The following MRPL28 variants were observed in gnomAD, a reference collection of about 807,000 sequenced individuals.
The protein encoded by MRPL28 is mitochondrial ribosomal protein L28, also known as large ribosomal subunit protein bL28m.
In MRPL28, 25 loss-of-function variants were observed where a neutral mutation model predicts 26.2. The ratio of observed to expected loss-of-function variants is 0.95; its 90% CI spans 0.69 to 1.33. The LOEUF is 1.33. Ranked by LOEUF, MRPL28 falls within the 40% of genes most tolerant of loss-of-function variation. The pLI, the probability that MRPL28 is intolerant of heterozygous loss-of-function variation, is 0.00. For missense variants in MRPL28, 432 were observed against 327.2 expected (o/e 1.32, Z -2.47); for synonymous variants, 227 against 140.1 (o/e 1.62, Z -4.38).
rs189542082 is a variant in MRPL28, at chr16:367,666, G to A, written c.*9C>T. On this transcript the variant is annotated 3_prime_UTR_variant, in exon 6 of 6. Transcript: ENST00000199706. ...GGGCCTGTTGGTCAGGCATGGAGGA[G>A]CTGTGTGGTCACTGGCCACTGGCTC... The A allele has an allele frequency of 3.6e-4, 572 of 1,610,674 alleles. 1 individual carries two copies. The African/African-American group carries it at 7.1e-3, about 20-fold the overall frequency.
chr16:367,717 CAG>C lies in MRPL28; in HGVS notation c.727_728del (p.Leu243ValfsTer22). On this transcript the variant is annotated frameshift_variant, in exon 6 of 6. Coordinates refer to ENST00000199706, the MANE Select transcript of MRPL28 (RefSeq NM_006428.5). LOFTEE classifies it high-confidence loss of function. Reference sequence around the variant, plus strand: ...TCTTCTGCACCACCGCCGGCTCTGACAGTGCCTGCTGCTGCAGCTGCTGGATC... The same window carrying C: ...TCTTCTGCACCACCGCCGGCTCTGACTGCCTGCTGCTGCAGCTGCTGGATC... ...ELIQQLQQQA[L>X]SEPAVVQKRA... The C allele has an allele frequency of 6.2e-7, 1 of 1,613,892 alleles. No homozygotes were observed. The highest frequency in any genetic ancestry group is 8.5e-7 in the Non-Finnish European group (1 of 1,180,026).
intron 3 of MRPL28, 51 bp downstream of exon 3, chr16:369,017 G>T: frequency 6.3e-7 from 1 of 1,588,790 alleles, no homozygotes; most frequent in Non-Finnish European, 8.6e-7. Context: ...CCGTGAGTCT[G>T]ACTGGCCCAT....
At chr16:369,854 G>C in intron 2 of MRPL28, 77 bp downstream of exon 2, 1 of 1,532,078 alleles carries the variant, frequency 6.5e-7, no homozygotes, top group Non-Finnish European at 8.8e-7. Flanking sequence ...GGTCTCTCCA[G>C]GTACCCCGGG....
chr16:369,756 C>T, intron 2 of MRPL28, 175 bp downstream of exon 2: 2 of 882,268 alleles, frequency 2.3e-6, no homozygotes, highest in Non-Finnish European at 3.5e-6. Context: ...TTTATCAGTC[C>T]TGTTTGCCAG....
chr16:369,011 G>A, intron 3 of MRPL28, 57 bp downstream of exon 3: 1 of 1,579,630 alleles, frequency 6.3e-7, no homozygotes, highest in African/African-American at 1.3e-5. Context: ...GGGCTCCCGT[G>A]AGTCTGACTG....
At chr16:368,890 G>C in intron 3 of MRPL28, 178 bp downstream of exon 3, 2 of 1,019,648 alleles carry the variant, frequency 2.0e-6, no homozygotes, top group East Asian at 5.3e-5. Flanking sequence ...AGCCTCTCCT[G>C]AAGGCAGGAA....
Position 367,583 on chromosome 16 carries a change from G to A in MRPL28, c.*92C>T. On this transcript the variant is annotated 3_prime_UTR_variant, in exon 6 of 6. Transcript: ENST00000199706. ...AGGATCCACCCACTGCCCACCGGTG[G>A]CCCTCACAGCTCCCCGGGATCTGTG... 8.8e-7 allele frequency: 1 copy of A among 1,133,604 alleles called. No individual in the cohort carries two copies. The highest frequency in any genetic ancestry group is 1.3e-6 in the Non-Finnish European group (1 of 763,070). The allele number at this position is 1,133,604 out of a possible 1,614,324, so 70.2% of individuals were successfully genotyped here. A position where few individuals can be genotyped will look rare whatever the true frequency, so the allele number is the denominator to read the frequency against.
intron 3 of MRPL28, 180 bp from the exon 4 acceptor site, chr16:368,815 T>G (rs919814374): frequency 1.5e-5 from 17 of 1,107,174 alleles, no homozygotes; most frequent in Non-Finnish European, 2.1e-5. Flanking sequence ...CAAGTCCAAG[T>G]GCAGGGAAAG....
intron 2 of MRPL28, 50 bp downstream of exon 2, chr16:369,881 G>T (rs780310334): frequency 6.4e-7 from 1 of 1,567,214 alleles, no homozygotes; most frequent in South Asian, 1.2e-5. Context: ...GCACAGAGCC[G>T]GCACAGCCAA....
chr16:368,240 T>C (rs988321866), intron 5 of MRPL28, 88 bp downstream of exon 5: 1 of 1,468,278 alleles, frequency 6.8e-7, no homozygotes, highest in Non-Finnish European at 9.5e-7. Flanking sequence ...ACCAGCCCCT[T>C]GTGCAGGCTC....
At position 367,419 on chromosome 16, in the gene MRPL28, C is replaced by T. The variant is rs1291049053; in HGVS notation, c.*256G>A. 2.8e-6 allele frequency: 2 copies of T among 712,772 alleles called. No individual in the cohort carries two copies. The highest frequency in any genetic ancestry group is 5.2e-6 in the Non-Finnish European group (2 of 381,744). The allele number at this position is 712,772 out of a possible 1,614,324, so 44.2% of individuals were successfully genotyped here. ...CAGCCTGGCCCAGACTTTACTCGCT[C>T]CCGGCCCCACGGGCACAAGGAACAC... On this transcript the variant is annotated 3_prime_UTR_variant, in exon 6 of 6. Transcript: ENST00000199706.
intron 3 of MRPL28, 66 bp from the exon 4 acceptor site, chr16:368,701 C>T (rs1254114408): frequency 3.3e-6 from 5 of 1,510,724 alleles, no homozygotes; most frequent in Non-Finnish European, 4.4e-6. Flanking sequence ...CCAGCCAACC[C>T]ACCTGGCTCC....
At position 367,756 on chromosome 16, in the gene MRPL28, A is replaced by G. The variant is rs1190283555; in HGVS notation, c.690T>C (p.Tyr230=). ...GCAGCTGCTGGATCAGCTCCGCCACATAGATCTTGAACAGGGGTACAGGGT... is the reference window on the plus strand; with the variant it reads ...GCAGCTGCTGGATCAGCTCCGCCACGTAGATCTTGAACAGGGGTACAGGGT... ...EKDPVPLFKI[Y]VAELIQQLQQ... Residue 230 remains tyrosine (Y), a synonymous_variant, in exon 6 of 6, where the codon TAT becomes TAC. Coordinates refer to ENST00000199706, the MANE Select transcript of MRPL28 (RefSeq NM_006428.5). 1.2e-6 allele frequency: 2 copies of G among 1,613,824 alleles called. No individual in the cohort carries two copies. Among genetic ancestry groups the G allele is most frequent in the South Asian group, 1.1e-5 (1 of 91,088 alleles).
At chr16:368,226 G>A in intron 5 of MRPL28, 102 bp downstream of exon 5, 2 of 1,370,922 alleles carry the variant, frequency 1.5e-6, no homozygotes, top group South Asian at 2.4e-5. Flanking sequence ...AGCCCACCCA[G>A]TGCACCAGCC....
chr16:369,291 G>A (rs1484179198), intron 2 of MRPL28, 71 bp from the exon 3 acceptor site: 37 of 1,549,908 alleles, frequency 2.4e-5, no homozygotes, highest in South Asian at 1.1e-4. Flanking sequence ...CCAGGCAACT[G>A]CCCTCACCTC....
intron 2 of MRPL28, chr16:369,483 C>G: frequency 1.6e-6 from 1 of 633,812 alleles, no homozygotes; most frequent in Non-Finnish European, 2.9e-6. Context: ...GCATGTGTTT[C>G]AGAAACATGT....
intron 3 of MRPL28, 153 bp downstream of exon 3, chr16:368,915 G>A (rs2054287986): frequency 2.7e-6 from 3 of 1,109,382 alleles, no homozygotes; most frequent in South Asian, 3.3e-5. Context: ...CACTGGTGCT[G>A]GCCAGAAAGG....
intron 3 of MRPL28, chr16:368,854 G>A: frequency 1.0e-6 from 1 of 985,744 alleles, no homozygotes. Context: ...AGGCCCCACG[G>A]GCAAGTCAGC....
intron 3 of MRPL28, 152 bp from the exon 4 acceptor site, chr16:368,787 G>T: frequency 8.0e-7 from 1 of 1,257,624 alleles, no homozygotes; most frequent in Non-Finnish European, 1.1e-6. Flanking sequence ...AGCCTGGGGG[G>T]TGGGATCAGC....
Sources: gnomAD v4.1 joint callset for allele counts on GRCh38, gnomAD v4.1.1 for gene constraint, MANE v1.5 for transcripts, NCBI Gene and HGNC (gene_info 2026-07-23, HGNC 2026-07-21) for gene names.